The following SDCBP2 variants were observed in gnomAD, a reference collection of about 807,000 sequenced individuals.
SDCBP2 encodes syntenin-2.
A neutral mutation model predicts 30.7 loss-of-function variants in SDCBP2; 28 were observed. The ratio of observed to expected loss-of-function variants is 0.91; its 90% CI spans 0.68 to 1.25. SDCBP2 has a LOEUF of 1.25. Among genes scored for constraint, SDCBP2 ranks in the 50% most tolerant of loss-of-function variants. SDCBP2 has a pLI of 0.00. For missense variants in SDCBP2, 399 were observed against 379.0 expected, an observed-to-expected ratio of 1.05 and a Z score of -0.44; for synonymous variants, 166 against 157.3, an observed-to-expected ratio of 1.06 and a Z score of -0.41.
chr20:1,314,819 G>A lies in SDCBP2; in HGVS notation c.226-1321C>T, dbSNP rs559760377. ...ATCTAACAAAACACATACAGGAACCGTATGCTGAAAACAACAAAATACTGA... is the reference window on the plus strand; with the variant it reads ...ATCTAACAAAACACATACAGGAACCATATGCTGAAAACAACAAAATACTGA... On this transcript the variant is annotated intron_variant, in intron 4 of 8. Transcript: ENST00000360779. 2.8e-4 allele frequency among the ~76,000 whole-genome samples: 43 copies of A among 152,186 alleles called. 1 individual carries two copies. Among genetic ancestry groups the A allele is most frequent in the African/African-American group, 9.2e-4 (38 of 41,516 alleles).
chr20:1,319,375 C>T, intron 3 of SDCBP2: 1 of 563,026 alleles, frequency 1.8e-6, no homozygotes, highest in Non-Finnish European at 3.2e-6. Flanking sequence ...GGGAGGGGAA[C>T]AGCATGGGCA....
rs1457817879 is a variant in SDCBP2 at position 1,324,518 on chromosome 20, C to T, written c.-19-4083G>A. Among the ~76,000 whole-genome samples, 2 of 152,118 alleles carry T rather than the reference C, an allele frequency of 1.3e-5. No homozygotes were observed. The highest frequency in any genetic ancestry group is 1.9e-4 in the East Asian group (1 of 5,190). ...GTCACCATAACAAATGGTCCTGTCC[C>T]GCACAACTTTCAGATATCCTGCCAA... is the stretch of plus-strand genomic sequence containing the variant. On this transcript the variant is annotated intron_variant, in intron 1 of 8. Coordinates refer to ENST00000360779, the MANE Select transcript of SDCBP2 (RefSeq NM_080489.5). This position sits in a 1 kb window ranked among gnomAD's most constrained non-coding sequence, Gnocchi z 4.7.
chr20:1,317,942 G>A, intron 4 of SDCBP2: 1 of 351,444 alleles, frequency 2.8e-6, no homozygotes, highest in South Asian at 2.2e-5. Flanking sequence ...TGTTTAATTT[G>A]GGGACCAGAG....
Position 1,324,601 on chromosome 20 carries a change from T to G in SDCBP2, c.-19-4166A>C, listed in dbSNP as rs575069803. On this transcript the variant is annotated intron_variant, in intron 1 of 8. Coordinates refer to ENST00000360779, the MANE Select transcript of SDCBP2 (RefSeq NM_080489.5). The surrounding 1 kb of genome is among the most constrained non-coding windows in gnomAD (Gnocchi z 4.7). ...GGTTGTACATACAATCACAATGAAT[T>G]TTTCCCTAGTTTTAGTACACACTAG... is the stretch of plus-strand genomic sequence containing the variant. 5.9e-5 allele frequency among the ~76,000 whole-genome samples: 9 copies of G among 152,304 alleles called. No individual in the cohort carries two copies. Among genetic ancestry groups the G allele is most frequent in the African/African-American group, 1.9e-4 (8 of 41,566 alleles).
chr20:1,310,333 G>T lies in SDCBP2; in HGVS notation c.*108C>A. The T allele has an allele frequency of 1.7e-6, 2 of 1,163,558 alleles. No homozygotes were observed. Among genetic ancestry groups the T allele is most frequent in the Non-Finnish European group, 2.5e-6 (2 of 791,450 alleles). The allele number at this position is 1,163,558 out of a possible 1,614,324, so 72.1% of individuals were successfully genotyped here. On this transcript the variant is annotated 3_prime_UTR_variant, in exon 9 of 9. Transcript: ENST00000360779. ...TCCTGGACACGCCCCCCTCATGGCA[G>T]CCCCCACCTTAAGCAGCAGGCCGGC...
In SDCBP2 at chr20:1,309,933, T is replaced by C. The variant is rs2088635787; in HGVS notation, c.*508A>G. ...ATTTTCAGTTACCTTTTTATTTTAT[T>C]TTCAATAGTTTTGGGGGAATCAATT... On this transcript the variant is annotated 3_prime_UTR_variant, in exon 9 of 9. Transcript: ENST00000360779. The C allele has an allele frequency of 6.6e-6, 1 of 152,364 alleles. No individual in the cohort carries two copies. Among genetic ancestry groups the C allele is most frequent in the Non-Finnish European group, 1.5e-5 (1 of 68,160 alleles). 9.4% of individuals were successfully genotyped at this position (152,364 alleles called of 1,614,324 possible).
intron 5 of SDCBP2, 190 bp from the exon 6 acceptor site, chr20:1,312,952 C>G (rs527813915): frequency 9.4e-6 from 6 of 637,558 alleles, no homozygotes; most frequent in African/African-American, 7.3e-5. Flanking sequence ...AGTTAGGAAG[C>G]AGGTGAGTCA....
At chr20:1,312,785 G>C (rs1187904987) in intron 5 of SDCBP2, 23 bp from the exon 6 acceptor site, 1 of 1,596,260 alleles carries the variant, frequency 6.3e-7, no homozygotes, top group Non-Finnish European at 8.5e-7. Context: ...GGGCCCCAGA[G>C]TCAGTGTCCC....
At chr20:1,316,811 G>T (rs368957037) in intron 4 of SDCBP2, among the ~76,000 whole-genome samples, 3 of 151,956 alleles carry the variant, frequency 2.0e-5, no homozygotes, top group South Asian at 4.1e-4. Flanking sequence ...GAATAACTTT[G>T]TTTGTAACCA....
rs1274013422 is a variant in SDCBP2 at position 1,320,380 on chromosome 20, CT to C, written c.36del (p.Val13TrpfsTer78). 1 of 1,614,032 alleles carries C rather than the reference CT, an allele frequency of 6.2e-7. No homozygotes were observed. Among genetic ancestry groups the C allele is most frequent in the Admixed American group, 1.7e-5 (1 of 60,008 alleles). On this transcript the variant is annotated frameshift_variant, in exon 2 of 9. Transcript: ENST00000360779. LOFTEE classifies it high-confidence loss of function. This position sits in a 1 kb window ranked among gnomAD's most constrained non-coding sequence, Gnocchi z 4.7. ...CGACTTACCTGAATGGCTTGGTCCA[CT>C]TTTAGGTCCTCTAGAGATGGGTACA... ...SSLYPSLEDL[K>X]VDQAIQAQVR...
chr20:1,319,687 G>T (rs752257474), intron 2 of SDCBP2, 28 bp from the exon 3 acceptor site: 4 of 1,517,234 alleles, frequency 2.6e-6, no homozygotes. Context: ...GCACTGGTCA[G>T]CTGTGGCCAG....
In SDCBP2 at chr20:1,312,953, A is replaced by C. The variant is rs114151918; in HGVS notation, c.385-191T>G. The C allele has an allele frequency of 3.8e-4, 245 of 638,158 alleles. 2 individuals are homozygous for C. The highest frequency in any genetic ancestry group is 3.8e-3 in the African/African-American group (209 of 54,674). The allele number at this position is 638,158 out of a possible 1,614,324, so 39.5% of individuals were successfully genotyped here. ...ACTCTAGGCCTCATAGTTAGGAAGC[A>C]GGTGAGTCAGGATTTCAACCCTGGC... is the stretch of plus-strand genomic sequence containing the variant. On this transcript the variant is annotated intron_variant, in intron 5 of 8. Transcript: ENST00000360779.
At chr20:1,328,324 T>C (rs1315649717) in intron 1 of SDCBP2, among the ~76,000 whole-genome samples, 1 of 152,068 alleles carries the variant, frequency 6.6e-6, no homozygotes, top group Non-Finnish European at 1.5e-5. Flanking sequence ...CCAAGGGTTA[T>C]TTTGACAGGC....
At chr20:1,318,510 T>G (rs1361077855) in intron 3 of SDCBP2, 92 bp from the exon 4 acceptor site, 5 of 731,134 alleles carry the variant, frequency 6.8e-6, no homozygotes, top group Non-Finnish European at 1.1e-5. Context: ...TCATTTTTAT[T>G]AAGAAATGGA....
intron 7 of SDCBP2, chr20:1,311,107 C>A (rs1288955001): frequency 1.2e-5 from 6 of 488,426 alleles, no homozygotes; most frequent in Non-Finnish European, 2.2e-5. Context: ...GGTCTCCCAC[C>A]TGAGGATCTC....
Position 1,319,576 on chromosome 20 carries a change from C to T in SDCBP2, c.124+14G>A. On this transcript the variant is annotated intron_variant, in intron 3 of 8. Transcript: ENST00000360779. ...GACTTGGCACCCAGGAGCCCCTCAT[C>T]CCAGCCCACTCACCTGGTGGTGGGG... 1 of 1,560,392 alleles carries T rather than the reference C, an allele frequency of 6.4e-7. No individual in the cohort carries two copies. The highest frequency in any genetic ancestry group is 1.2e-5 in the South Asian group (1 of 84,782).
Position 1,312,748 on chromosome 20 carries a change from C to G in SDCBP2, c.399G>C (p.Gln133His), listed in dbSNP as rs1353293081. Residue 133 changes from glutamine to histidine, a missense_variant, in exon 6 of 9, where the codon CAG (glutamine) becomes CAC (histidine). By Grantham distance (24) the Gln-to-His change is conservative. Transcript: ENST00000360779. ...LRKVDQGLFVQLVQANTPASL... is the reference protein window; with the variant it reads ...LRKVDQGLFVHLVQANTPASL... The stretch of plus-strand genomic sequence containing the variant: ...ATGCAGGGGTGTTGGCCTGGACCAA[C>G]TGCACAAAGAGCCCCTGGGGGAGGC... The G allele has an allele frequency of 1.9e-6, 3 of 1,612,524 alleles. No individual in the cohort carries two copies. Among genetic ancestry groups the G allele is most frequent in the Non-Finnish European group, 2.5e-6 (3 of 1,179,502 alleles).
At chr20:1,318,006 G>A (rs1041179237) in intron 4 of SDCBP2, 5 of 405,860 alleles carry the variant, frequency 1.2e-5, no homozygotes, top group African/African-American at 1.0e-4. Context: ...AGGCAGCCCT[G>A]CTTTTGATGT....
Position 1,312,318 on chromosome 20 carries a change from G to A in SDCBP2, c.732+19C>T. On this transcript the variant is annotated intron_variant, in intron 7 of 8. Coordinates refer to ENST00000360779, the MANE Select transcript of SDCBP2 (RefSeq NM_080489.5). ...TCCCACCACCCGGCAGTCCCTCCCT[G>A]GTGCGGCCACCAGCCTACCTTCAGC... The A allele has an allele frequency of 6.2e-7, 1 of 1,608,720 alleles. No individual in the cohort carries two copies. Among genetic ancestry groups the A allele is most frequent in the Non-Finnish European group, 8.5e-7 (1 of 1,177,866 alleles).
Sources: gnomAD v4.1 joint callset for allele counts (sites outside exome capture counted in the v4.1 genomes callset) on GRCh38, gnomAD v4.1.1 for gene constraint, Gnocchi (gnomAD v3.1) non-coding constraint, MANE v1.5 for transcripts, NCBI Gene and HGNC (gene_info 2026-07-23, HGNC 2026-07-21) for gene names.